The following ADAMTSL1 variants were observed in gnomAD, a reference collection of about 807,000 sequenced individuals.
ADAMTSL1 encodes the protein ADAMTS like 1, also known as ADAMTS-like protein 1.
ADAMTSL1 carries 126 observed loss-of-function variants against 201.8 expected under a neutral mutation model. The observed-to-expected ratio is 0.62, with a 90% CI of 0.54 to 0.72. The LOEUF (loss-of-function observed/expected upper bound fraction) is 0.72, where lower values mean the gene tolerates loss of function less well. Among genes scored for constraint, ADAMTSL1 ranks in the 30% least tolerant of loss-of-function variants. The pLI is 0.00. For missense variants in ADAMTSL1, 2,679 were observed against 2,277.8 expected, an observed-to-expected ratio of 1.18 and a Z score of -3.59; for synonymous variants, 1,121 against 903.4, an observed-to-expected ratio of 1.24 and a Z score of -4.32.
chr9:18,054,524 T>G (rs546044854), intron 1 of ADAMTSL1, among the ~76,000 whole-genome samples: 12 of 152,326 alleles, frequency 7.9e-5, no homozygotes, highest in African/African-American at 2.9e-4. Flanking sequence ...GTACTAACAT[T>G]TATTTAAGTC....
chr9:18,651,611 A>G lies in ADAMTSL1; in HGVS notation c.835-6028A>G, dbSNP rs145030594. Among the ~76,000 whole-genome samples, 25 of 152,328 alleles carry G rather than the reference A, an allele frequency of 1.6e-4. No individual in the cohort carries two copies. The East Asian group carries it at 4.6e-3, about 28-fold the overall frequency. On this transcript the variant is annotated intron_variant, in intron 7 of 28. Coordinates refer to ENST00000380548, the MANE Select transcript of ADAMTSL1 (RefSeq NM_001040272.6). The stretch of plus-strand genomic sequence containing the variant: ...TATTTCCTGCAGAGGACAATTTTTA[A>G]AAGGTATTGCATATCTATAGTTGGA...
chr9:18,030,439 A>G (rs1261555691), intron 1 of ADAMTSL1, among the ~76,000 whole-genome samples: 4 of 152,132 alleles, frequency 2.6e-5, no homozygotes, highest in African/African-American at 7.2e-5. Context: ...GGAGGTAGAT[A>G]TACCTAATGT....
At chr9:18,517,910 G>T (rs1468580688) in intron 2 of ADAMTSL1, among the ~76,000 whole-genome samples, 3 of 152,128 alleles carry the variant, frequency 2.0e-5, no homozygotes, top group Admixed American at 2.0e-4. Flanking sequence ...GAGGCCGAAA[G>T]TTCTTCATGG....
chr9:18,839,495 T>C (rs1478817393), intron 23 of ADAMTSL1, among the ~76,000 whole-genome samples: 3 of 152,108 alleles, frequency 2.0e-5, no homozygotes, highest in Non-Finnish European at 2.9e-5. Context: ...AATAAACATA[T>C]GTGTGCGTGT....
At chr9:18,414,957 C>G (rs1818608952) in intron 2 of ADAMTSL1, among the ~76,000 whole-genome samples, 1 of 152,178 alleles carries the variant, frequency 6.6e-6, no homozygotes, top group Admixed American at 6.5e-5. Context: ...TTAGGGTAGA[C>G]TGCTAGGAAA....
At chr9:18,522,356 G>A (rs1476641276) in intron 2 of ADAMTSL1, among the ~76,000 whole-genome samples, 1 of 152,024 alleles carries the variant, frequency 6.6e-6, no homozygotes, top group Admixed American at 6.5e-5. Flanking sequence ...GAAGCTGACA[G>A]TACACTTGCA....
intron 1 of ADAMTSL1, among the ~76,000 whole-genome samples, chr9:17,976,294 C>T (rs1251528556): frequency 6.6e-6 from 1 of 151,940 alleles, no homozygotes; most frequent in Non-Finnish European, 1.5e-5. Context: ...GATTGTATTA[C>T]ATCTGTATAT....
chr9:18,078,991 G>T (rs1823353072), intron 1 of ADAMTSL1, among the ~76,000 whole-genome samples: 1 of 152,116 alleles, frequency 6.6e-6, no homozygotes, highest in South Asian at 2.1e-4. Context: ...TCTATCTCAA[G>T]GTTCCCCAGG....
intron 1 of ADAMTSL1, among the ~76,000 whole-genome samples, chr9:18,123,362 G>A (rs966664488): frequency 2.0e-5 from 3 of 152,116 alleles, no homozygotes; most frequent in Non-Finnish European, 4.4e-5. Flanking sequence ...GCCATTCTGT[G>A]TGCCTCTTAC....
chr9:18,585,789 G>T (rs1040830164), intron 4 of ADAMTSL1, among the ~76,000 whole-genome samples: 5 of 152,134 alleles, frequency 3.3e-5, no homozygotes, highest in African/African-American at 9.7e-5. Flanking sequence ...GAGATGCAAG[G>T]TTGATTCAAT....
intron 1 of ADAMTSL1, among the ~76,000 whole-genome samples, chr9:18,113,486 G>A (rs1825117274): frequency 6.6e-6 from 1 of 152,112 alleles, no homozygotes; most frequent in South Asian, 2.1e-4. Context: ...GTCCTGGCTT[G>A]GGCAACTGGG....
intron 3 of ADAMTSL1, among the ~76,000 whole-genome samples, chr9:18,570,859 C>A (rs1339293120): frequency 6.6e-6 from 1 of 152,190 alleles, no homozygotes; most frequent in African/African-American, 2.4e-5. Context: ...AAGCATTATT[C>A]TTCTCAGACC....
intron 2 of ADAMTSL1, among the ~76,000 whole-genome samples, chr9:18,395,296 C>G (rs1198273524): frequency 6.6e-6 from 1 of 152,170 alleles, no homozygotes; most frequent in Non-Finnish European, 1.5e-5. Context: ...CCAGCAGTTG[C>G]TTTAAATCCT....
At chr9:18,458,641 G>T (rs1053950324) in intron 2 of ADAMTSL1, among the ~76,000 whole-genome samples, 5 of 152,228 alleles carry the variant, frequency 3.3e-5, no homozygotes, top group Admixed American at 2.0e-4. Flanking sequence ...GAGGAAAAAG[G>T]CTTTCTATTG....
rs561478239 is a variant in ADAMTSL1, at chr9:18,555,199, G to A, written c.238-18831G>A. Among the ~76,000 whole-genome samples, 25 of 151,750 alleles carry A rather than the reference G, an allele frequency of 1.6e-4. 1 individual carries two copies. In the South Asian group the frequency reaches 1.7e-3, roughly 10 times the overall value. ...TATTCATCTTCTTCCACAACTTGCC[G>A]TTCATAGACTTTATCCCCTGTTCCC... On this transcript the variant is annotated intron_variant, in intron 3 of 28. Coordinates refer to ENST00000380548, the MANE Select transcript of ADAMTSL1 (RefSeq NM_001040272.6).
chr9:18,476,728 T>A (rs1349189413), intron 1 of ADAMTSL1, among the ~76,000 whole-genome samples: 1 of 152,188 alleles, frequency 6.6e-6, no homozygotes, highest in Admixed American at 6.5e-5. Flanking sequence ...ATTCTTGGAC[T>A]TATTTGGGGC....
At chr9:18,657,174 A>T (rs896673032) in intron 7 of ADAMTSL1, among the ~76,000 whole-genome samples, 1 of 152,230 alleles carries the variant, frequency 6.6e-6, no homozygotes, top group Non-Finnish European at 1.5e-5. Context: ...GTGTCTCTGA[A>T]TGGGAAGTGT....
chr9:18,681,697 T>TGTGTGTGTGG, intron 11 of ADAMTSL1, 115 bp from the exon 12 acceptor site: 1 of 238,088 alleles, frequency 4.2e-6, no homozygotes, highest in East Asian at 6.3e-5. Flanking sequence ...AGTCCTCGTG[T>TGTGTGTGTGG]GGGGGGGGGG....
intron 1 of ADAMTSL1, among the ~76,000 whole-genome samples, chr9:18,488,251 T>C (rs1822096506): frequency 6.6e-6 from 1 of 152,132 alleles, no homozygotes; most frequent in Admixed American, 6.5e-5. Flanking sequence ...CTGTCACCTA[T>C]CAAGATCAAA....
Sources: allele counts gnomAD v4.1 joint callset (sites outside exome capture counted in the v4.1 genomes callset), GRCh38; gene constraint gnomAD v4.1.1; transcripts MANE v1.5; gene names NCBI Gene and HGNC (gene_info 2026-07-23, HGNC 2026-07-21).